SOX5: variants seen among roughly 807,000 people sequenced by gnomAD.
SOX5 encodes the protein SRY-box transcription factor 5.
Under a neutral mutation model 92.0 loss-of-function variants are expected in SOX5, and 9 were observed. That is an observed-to-expected ratio of 0.10 (90% CI 0.06 to 0.17). SOX5 has a LOEUF of 0.17. Among genes scored for constraint, SOX5 ranks in the 10% least tolerant of loss-of-function variants. The pLI, the probability that SOX5 is intolerant of heterozygous loss-of-function variation, is 1.00. For missense variants in SOX5, 642 were observed against 944.5 expected, an observed-to-expected ratio of 0.68 and a Z score of 4.20; for synonymous variants, 344 against 336.3, an observed-to-expected ratio of 1.02 and a Z score of -0.25.
chr12:24,101,098 A>G (rs374836442), intron 4 of SOX5, among the ~76,000 whole-genome samples: 36 of 152,260 alleles, frequency 2.4e-4, no homozygotes, highest in African/African-American at 8.7e-4. Context: ...AATGAGCTTC[A>G]GTCACTCACC....
At chr12:24,459,402 A>G (rs1596918688) in intron 1 of SOX5, among the ~76,000 whole-genome samples, 1 of 152,294 alleles carries the variant, frequency 6.6e-6, no homozygotes, top group East Asian at 1.9e-4. Context: ...CTTCCTGTCA[A>G]CTTGTCTTTC....
At chr12:24,361,632 T>TGTGTGTGTGCGC in intron 2 of SOX5, among the ~76,000 whole-genome samples, 1 of 149,490 alleles carries the variant, frequency 6.7e-6, no homozygotes, top group Non-Finnish European at 1.5e-5. Flanking sequence ...TGTGTGTGTG[T>TGTGTGTGTGCGC]GCGCATGTGT....
chr12:23,743,640 A>G (rs1241974752), intron 4 of SOX5, among the ~76,000 whole-genome samples: 1 of 152,194 alleles, frequency 6.6e-6, no homozygotes, highest in East Asian at 1.9e-4. Context: ...TTACTTCCAC[A>G]CTCAGAAAAA....
chr12:24,429,411 T>C (rs1937817544), intron 1 of SOX5, among the ~76,000 whole-genome samples: 1 of 152,136 alleles, frequency 6.6e-6, no homozygotes, highest in Non-Finnish European at 1.5e-5. Context: ...AATCAACTGT[T>C]ATTCATTTTT....
intron 13 of SOX5, among the ~76,000 whole-genome samples, chr12:23,539,098 C>T (rs1015502444): frequency 6.6e-6 from 1 of 152,022 alleles, no homozygotes; most frequent in African/African-American, 2.4e-5. Context: ...AGCCACCACT[C>T]CTGGCCAAGC....
chr12:23,687,291 C>T (rs17394225), intron 6 of SOX5, among the ~76,000 whole-genome samples: 16,191 of 151,890 alleles, frequency 0.11, 1,143 homozygotes, highest in Middle Eastern at 0.16. Context: ...CTGAAATGCA[C>T]GCTGATGTCC....
At chr12:24,110,166 T>C (rs1947150740) in intron 4 of SOX5, among the ~76,000 whole-genome samples, 1 of 152,122 alleles carries the variant, frequency 6.6e-6, no homozygotes, top group Non-Finnish European at 1.5e-5. Context: ...AGCAAGAAAA[T>C]AGAACTAAAC....
At chr12:24,357,907 A>T (rs1194543254) in intron 2 of SOX5, among the ~76,000 whole-genome samples, 3 of 152,122 alleles carry the variant, frequency 2.0e-5, no homozygotes, top group African/African-American at 4.8e-5. Context: ...TTTAGCCAAA[A>T]CACCAAACAA....
chr12:23,948,905 G>C (rs1005296024), intron 1 of SOX5, among the ~76,000 whole-genome samples: 7 of 152,076 alleles, frequency 4.6e-5, no homozygotes, highest in Non-Finnish European at 8.8e-5. Context: ...ATTCAGTCAA[G>C]ACAGCTAACA....
intron 7 of SOX5, among the ~76,000 whole-genome samples, chr12:23,644,686 G>A (rs1234145896): frequency 6.6e-6 from 1 of 152,156 alleles, no homozygotes; most frequent in Non-Finnish European, 1.5e-5. Flanking sequence ...ACAGGAGAGA[G>A]AAGGGACAAC....
At chr12:23,819,141 A>T (rs373994738) in intron 3 of SOX5, among the ~76,000 whole-genome samples, 1 of 152,222 alleles carries the variant, frequency 6.6e-6, no homozygotes, top group East Asian at 1.9e-4. Flanking sequence ...TATGTGCTAT[A>T]CTTCCAAATG....
chr12:24,226,882 GAATA>G (rs869158032), intron 3 of SOX5, among the ~76,000 whole-genome samples: 56 of 41,204 alleles, frequency 1.4e-3, no homozygotes, highest in Middle Eastern at 0.013. Flanking sequence ...ATGAATGAAT[GAATA>G]AATCTACTGG....
chr12:24,270,212 C>A (rs925643615), intron 3 of SOX5, among the ~76,000 whole-genome samples: 1 of 152,014 alleles, frequency 6.6e-6, no homozygotes, highest in Non-Finnish European at 1.5e-5. Context: ...AGGCACCCAC[C>A]ATCACACCCA....
chr12:23,887,753 GCTTCA>G (rs1312447286), intron 2 of SOX5, among the ~76,000 whole-genome samples: 20 of 152,050 alleles, frequency 1.3e-4, no homozygotes, highest in Non-Finnish European at 2.8e-4. Context: ...TATATTAAAA[GCTTCA>G]TAGTACATTT....
At chr12:24,534,037 T>C (rs1242912862) in intron 1 of SOX5, among the ~76,000 whole-genome samples, 2 of 152,056 alleles carry the variant, frequency 1.3e-5, no homozygotes, top group South Asian at 2.1e-4. Flanking sequence ...CCAATCATTA[T>C]AAAAAAAGAT....
chr12:23,898,628 A>G lies in SOX5; in HGVS notation c.39-2604T>C, dbSNP rs140009822. 2.8e-3 allele frequency among the ~76,000 whole-genome samples: 419 copies of G among 152,312 alleles called. 2 individuals are homozygous for G. The highest frequency in any genetic ancestry group is 9.4e-3 in the African/African-American group (391 of 41,566). ...TATCAAAACTTCTGGTTATTTCAAA[A>G]CCTAAATTAACTTTCTATTTAACTG... On this transcript the variant is annotated intron_variant, in intron 1 of 14. Transcript: ENST00000451604.
intron 4 of SOX5, among the ~76,000 whole-genome samples, chr12:23,745,004 C>G (rs2093932552): frequency 6.6e-6 from 1 of 152,112 alleles, no homozygotes; most frequent in Non-Finnish European, 1.5e-5. Flanking sequence ...TACCAGTCAT[C>G]TTGGATTAGG....
intron 7 of SOX5, among the ~76,000 whole-genome samples, chr12:23,658,870 G>C (rs888962182): frequency 6.6e-6 from 1 of 152,146 alleles, no homozygotes; most frequent in African/African-American, 2.4e-5. Context: ...TCCAGCCTGG[G>C]CAACAGAGCG....
At chr12:23,649,218 G>T (rs911106466) in intron 7 of SOX5, among the ~76,000 whole-genome samples, 1 of 151,732 alleles carries the variant, frequency 6.6e-6, no homozygotes, top group Non-Finnish European at 1.5e-5. Context: ...AATCTACAAA[G>T]CTTCACAAAC....
Sources: allele counts gnomAD v4.1 joint callset (sites outside exome capture counted in the v4.1 genomes callset), GRCh38; gene constraint gnomAD v4.1.1; transcripts MANE v1.5; gene names NCBI Gene and HGNC (gene_info 2026-07-23, HGNC 2026-07-21).